Variants in GALNT13 observed in about 807,000 individuals in gnomAD.
The protein encoded by GALNT13 is polypeptide N-acetylgalactosaminyltransferase 13.
Under a neutral mutation model 64.2 loss-of-function variants are expected in GALNT13, and 28 were observed. The ratio of observed to expected loss-of-function variants is 0.44; its 90% confidence interval spans 0.32 to 0.60. GALNT13 has a LOEUF of 0.60. Among genes scored for constraint, GALNT13 ranks in the 20% least tolerant of loss-of-function variants. The pLI, the probability that GALNT13 is intolerant of heterozygous loss-of-function variation, is 0.05. For missense variants in GALNT13, 577 were observed against 669.8 expected, an observed-to-expected ratio of 0.86 and a Z score of 1.53; for synonymous variants, 214 against 224.6, an observed-to-expected ratio of 0.95 and a Z score of 0.42.
chr2:153,219,458 CTT>C, the GALNT13 span, among the ~76,000 whole-genome samples: 1 of 152,296 alleles, frequency 6.6e-6, no homozygotes, highest in East Asian at 1.9e-4. Flanking sequence ...CAACTCATGA[CTT>C]AATCCATTAT....
At chr2:153,776,787 C>A in the GALNT13 span, among the ~76,000 whole-genome samples, 1 of 152,312 alleles carries the variant, frequency 6.6e-6, no homozygotes, top group Non-Finnish European at 1.5e-5. Context: ...TGCAGCCGGG[C>A]TTTGTGCTTT....
chr2:153,430,781 T>G, the GALNT13 span, among the ~76,000 whole-genome samples: 6 of 152,014 alleles, frequency 3.9e-5, no homozygotes, highest in African/African-American at 1.5e-4. Flanking sequence ...ATAAATTGCT[T>G]AAATTGAAAT....
chr2:153,457,977 C>T, the GALNT13 span, among the ~76,000 whole-genome samples: 1 of 152,156 alleles, frequency 6.6e-6, no homozygotes, highest in Non-Finnish European at 1.5e-5. Flanking sequence ...ATCTTAAAGC[C>T]CTCCTGATTT....
chr2:153,501,288 C>T, the GALNT13 span, among the ~76,000 whole-genome samples: 24 of 152,026 alleles, frequency 1.6e-4, no homozygotes, highest in East Asian at 4.6e-3. Context: ...TTAGTTTCAC[C>T]TCCTTTTTTG....
chr2:153,401,555 G>A, the GALNT13 span, among the ~76,000 whole-genome samples: 1 of 149,938 alleles, frequency 6.7e-6, no homozygotes, highest in African/African-American at 2.5e-5. Flanking sequence ...TAATGTGTGG[G>A]AGTCTAAGTC....
At chr2:153,953,218 A>T (rs72993610) in intron 3 of GALNT13, among the ~76,000 whole-genome samples, 1 of 152,148 alleles carries the variant, frequency 6.6e-6, no homozygotes, top group African/African-American at 2.4e-5. Context: ...AACCTTAAAC[A>T]TATGACATAT....
chr2:154,131,081 G>T (rs1682587231), intron 3 of GALNT13, among the ~76,000 whole-genome samples: 1 of 151,968 alleles, frequency 6.6e-6, no homozygotes, highest in Non-Finnish European at 1.5e-5. Context: ...GCAAGATAAG[G>T]GCCTTTTAAA....
intron 3 of GALNT13, among the ~76,000 whole-genome samples, chr2:154,042,688 C>A (rs1458871627): frequency 1.1e-5 from 1 of 87,398 alleles, no homozygotes; most frequent in African/African-American, 3.5e-5. Flanking sequence ...TAGTCCTTAT[C>A]ATTATGCATA....
chr2:153,335,259 G>A, the GALNT13 span, among the ~76,000 whole-genome samples: 1 of 152,162 alleles, frequency 6.6e-6, no homozygotes, highest in Non-Finnish European at 1.5e-5. Context: ...TTGTTGAATA[G>A]ATACCTGAAA....
At chr2:153,156,552 A>T in the GALNT13 span, among the ~76,000 whole-genome samples, 1 of 152,132 alleles carries the variant, frequency 6.6e-6, no homozygotes, top group Non-Finnish European at 1.5e-5. Context: ...CTATTCCCCT[A>T]ACTGATTATT....
chr2:154,204,230 A>G (rs189497783), intron 4 of GALNT13, among the ~76,000 whole-genome samples: 160 of 152,196 alleles, frequency 1.1e-3, no homozygotes, highest in Non-Finnish European at 2.0e-3. Context: ...CTACCATTCT[A>G]TTCTCTCTCT....
chr2:153,879,239 C>T (rs982279674), intron 1 of GALNT13, among the ~76,000 whole-genome samples: 1 of 152,028 alleles, frequency 6.6e-6, no homozygotes, highest in Non-Finnish European at 1.5e-5. Flanking sequence ...TATTAGTATT[C>T]TTATTTTAGA....
chr2:153,684,075 T>C, the GALNT13 span, among the ~76,000 whole-genome samples: 1 of 83,436 alleles, frequency 1.2e-5, no homozygotes, highest in African/African-American at 3.3e-5. Context: ...TAATAATATA[T>C]ATATATATAT....
chr2:153,778,981 T>C, the GALNT13 span, among the ~76,000 whole-genome samples: 33 of 152,316 alleles, frequency 2.2e-4, no homozygotes, highest in African/African-American at 7.9e-4. Flanking sequence ...ATTCACTAGC[T>C]GTGTGGTCTT....
the GALNT13 span, among the ~76,000 whole-genome samples, chr2:153,341,722 T>G: frequency 6.6e-6 from 1 of 152,118 alleles, no homozygotes; most frequent in Admixed American, 6.5e-5. Context: ...AAAACAAATC[T>G]CTTGCCTACT....
the GALNT13 span, among the ~76,000 whole-genome samples, chr2:153,486,001 G>C: frequency 1.3e-5 from 2 of 152,074 alleles, no homozygotes; most frequent in Admixed American, 1.3e-4. Flanking sequence ...GCAATGGCAT[G>C]ATCTCAGCTT....
intron 9 of GALNT13, among the ~76,000 whole-genome samples, chr2:154,304,079 G>C (rs1478942502): frequency 6.6e-6 from 1 of 152,110 alleles, no homozygotes; most frequent in Non-Finnish European, 1.5e-5. Flanking sequence ...TAAGTACCTA[G>C]AAGAGAAGGA....
chr2:154,356,252 A>T (rs564397233), intron 9 of GALNT13, among the ~76,000 whole-genome samples: 13 of 152,030 alleles, frequency 8.6e-5, no homozygotes, highest in Middle Eastern at 3.4e-3. Flanking sequence ...AACTCTTTTT[A>T]AAAAAACTGT....
chr2:154,047,528 C>T (rs1359224897), intron 3 of GALNT13, among the ~76,000 whole-genome samples: 1 of 152,050 alleles, frequency 6.6e-6, no homozygotes, highest in Non-Finnish European at 1.5e-5. Context: ...TAAATTAGAG[C>T]CTCATTTTCC....
Sources: allele counts gnomAD v4.1 joint callset (sites outside exome capture counted in the v4.1 genomes callset), GRCh38; gene constraint gnomAD v4.1.1; transcripts MANE v1.5; gene names NCBI Gene and HGNC (gene_info 2026-07-23, HGNC 2026-07-21).